PAK1: variants seen among roughly 807,000 people sequenced by gnomAD.
PAK1 encodes the protein p21 (RAC1) activated kinase 1, also known as serine/threonine-protein kinase PAK 1.
Under a neutral mutation model 67.4 loss-of-function variants are expected in PAK1, and 29 were observed. The observed-to-expected ratio is 0.43, with a 90% CI of 0.32 to 0.59. The LOEUF (loss-of-function observed/expected upper bound fraction) is 0.59, where lower values mean the gene tolerates loss of function less well. PAK1 is among the 20% of genes least tolerant of loss of function. The pLI, the probability that PAK1 is intolerant of heterozygous loss-of-function variation, is 0.07. For synonymous variants in PAK1, 223 were observed against 237.4 expected (o/e 0.94, Z 0.56); for missense variants, 337 against 670.7 (o/e 0.50, Z 5.50).
chr11:77,340,579 G>A, intron 11 of PAK1, 67 bp downstream of exon 11: 2 of 816,516 alleles, frequency 2.4e-6, no homozygotes, highest in South Asian at 2.7e-5. Context: ...TCACTGTACA[G>A]GGAACTTCAG....
intron 5 of PAK1, among the ~76,000 whole-genome samples, chr11:77,369,313 C>G (rs1441627773): frequency 6.6e-6 from 1 of 151,640 alleles, no homozygotes; most frequent in East Asian, 1.9e-4. Flanking sequence ...TGCCTCTGTT[C>G]TCTGCTTATG....
Position 77,355,671 on chromosome 11 carries a change from A to G in PAK1, c.769T>C (p.Leu257=), listed in dbSNP as rs772996203. The G allele has an allele frequency of 8.7e-6, 14 of 1,612,032 alleles. No homozygotes were observed. The highest frequency in any genetic ancestry group is 1.2e-5 in the Non-Finnish European group (14 of 1,178,476). The part of the protein sequence containing the change: ...KMSDEEILEK[L]RSIVSVGDPK... ...CAGAAAGCTACAAATTCCTTACGTA[A>G]TTTCTCCAAGATCTCCTCATCAGAC... Residue 257 remains leucine (L), a synonymous_variant, in exon 7 of 15, where the codon TTA becomes CTA. Coordinates refer to ENST00000356341, the MANE Select transcript of PAK1 (RefSeq NM_002576.5).
At chr11:77,492,033 G>A in the PAK1 span, among the ~76,000 whole-genome samples, 1 of 152,216 alleles carries the variant, frequency 6.6e-6, no homozygotes, top group African/African-American at 2.4e-5. Context: ...GCAACAAGGA[G>A]TGGGAAACTG....
chr11:77,431,474 T>C (rs935165310), intron 1 of PAK1, among the ~76,000 whole-genome samples: 6 of 152,282 alleles, frequency 3.9e-5, no homozygotes, highest in Non-Finnish European at 8.8e-5. Flanking sequence ...TAATACCCTC[T>C]TCAGTGGTCT....
chr11:77,353,702 A>G, intron 7 of PAK1, 103 bp from the exon 8 acceptor site: 1 of 858,092 alleles, frequency 1.2e-6, no homozygotes, highest in Non-Finnish European at 2.0e-6. Context: ...TTAAAGAACT[A>G]CCTCCAATAG....
At chr11:77,358,134 T>C (rs1946290829) in intron 6 of PAK1, among the ~76,000 whole-genome samples, 2 of 152,198 alleles carry the variant, frequency 1.3e-5, no homozygotes, top group South Asian at 4.1e-4. Context: ...CTGAATGCTG[T>C]ATTCCAGAGG....
At chr11:77,522,419 C>A in the PAK1 span, among the ~76,000 whole-genome samples, 2 of 152,198 alleles carry the variant, frequency 1.3e-5, no homozygotes, top group Non-Finnish European at 2.9e-5. Context: ...GAAGCACATA[C>A]CCTTCCAGTC....
the PAK1 span, among the ~76,000 whole-genome samples, chr11:77,516,838 CAAAA>C: frequency 2.1e-4 from 20 of 95,404 alleles, no homozygotes; most frequent in African/African-American, 5.8e-4. Flanking sequence ...CCCCATCTCT[CAAAA>C]AAAAAAAAAA....
chr11:77,327,684 CA>C (rs1231446810), intron 14 of PAK1, among the ~76,000 whole-genome samples: 1 of 152,216 alleles, frequency 6.6e-6, no homozygotes, highest in Non-Finnish European at 1.5e-5. Context: ...AAAAACATGC[CA>C]AATTGTAAAG....
At chr11:77,430,753 T>C (rs1290528881) in intron 1 of PAK1, among the ~76,000 whole-genome samples, 1 of 152,232 alleles carries the variant, frequency 6.6e-6, no homozygotes, top group African/African-American at 2.4e-5. Context: ...AAATAATTGT[T>C]GTAAAGCGTT....
intron 14 of PAK1, among the ~76,000 whole-genome samples, chr11:77,325,913 A>T (rs1170689388): frequency 2.6e-5 from 4 of 152,190 alleles, no homozygotes. Flanking sequence ...TCCTGAGTCA[A>T]GTCCTAGGTA....
intron 1 of PAK1, among the ~76,000 whole-genome samples, chr11:77,430,544 A>C (rs1409135259): frequency 6.6e-6 from 1 of 152,224 alleles, no homozygotes; most frequent in Non-Finnish European, 1.5e-5. Context: ...CTTAAAATGG[A>C]CCAATGTGAC....
In PAK1 at chr11:77,387,378, A is replaced by G. The variant is rs547873457; in HGVS notation, c.190+4953T>C. Among the ~76,000 whole-genome samples, 195 of 152,276 alleles carry G rather than the reference A, an allele frequency of 1.3e-3. 1 individual carries two copies. Among genetic ancestry groups the G allele is most frequent in the Middle Eastern group, 0.01 (3 of 294 alleles). ...GTGAGCCACTTGCACCCCGCCCTGT[A>G]TTTTTTAAAAGCACCATAAGTGAGT... On this transcript the variant is annotated intron_variant, in intron 2 of 14. Coordinates refer to ENST00000356341, the MANE Select transcript of PAK1 (RefSeq NM_002576.5).
At chr11:77,408,015 A>C (rs757473932) in intron 1 of PAK1, 5 of 152,226 alleles carry the variant, frequency 3.3e-5, no homozygotes, top group Non-Finnish European at 7.3e-5. Context: ...AACTCAGGAG[A>C]TAACAGGGTA....
Position 77,438,575 on chromosome 11 carries a change from T to A in PAK1, c.-22+34977A>T, listed in dbSNP as rs1254875021. 2.6e-5 allele frequency among the ~76,000 whole-genome samples: 4 copies of A among 152,340 alleles called. No individual in the cohort carries two copies. The East Asian group carries it at 7.7e-4, about 29-fold the overall frequency. On this transcript the variant is annotated intron_variant, in intron 1 of 14. Transcript: ENST00000356341. ...AGACTGAAATCTGTGTAATTTTAAC[T>A]AATGCTGTTGCTCCCAATAGAAATC...
chr11:77,393,361 C>A (rs1951410159), intron 1 of PAK1, among the ~76,000 whole-genome samples: 1 of 151,640 alleles, frequency 6.6e-6, no homozygotes, highest in Non-Finnish European at 1.5e-5. Flanking sequence ...GTGGTACAAT[C>A]ATAGCTCACT....
intron 1 of PAK1, among the ~76,000 whole-genome samples, chr11:77,431,549 C>G (rs182126844): frequency 2.0e-5 from 3 of 152,252 alleles, no homozygotes; most frequent in Non-Finnish European, 4.4e-5. Flanking sequence ...ACCCCTTTCA[C>G]CAGAATGTGG....
chr11:77,345,449 G>A (rs1325413265), intron 9 of PAK1, among the ~76,000 whole-genome samples: 1 of 152,094 alleles, frequency 6.6e-6, no homozygotes. Flanking sequence ...TAGTGGACAA[G>A]AACACGAACA....
At chr11:77,491,339 C>T in the PAK1 span, among the ~76,000 whole-genome samples, 1 of 151,678 alleles carries the variant, frequency 6.6e-6, no homozygotes. Context: ...ATAGAAACAA[C>T]AAAAAGTTAA....
Sources: allele counts gnomAD v4.1 joint callset (sites outside exome capture counted in the v4.1 genomes callset), GRCh38; gene constraint gnomAD v4.1.1; transcripts MANE v1.5; gene names NCBI Gene and HGNC (gene_info 2026-07-23, HGNC 2026-07-21).